The following SGCD variants were observed in gnomAD, a reference collection of about 807,000 sequenced individuals.
SGCD encodes the protein delta-sarcoglycan.
SGCD carries 18 observed loss-of-function variants against 36.6 expected under a neutral mutation model. The observed-to-expected ratio is 0.49, with a 90% CI of 0.34 to 0.73. The LOEUF (loss-of-function observed/expected upper bound fraction) is 0.73, where lower values mean the gene tolerates loss of function less well. Ranked by LOEUF, SGCD falls within the 30% of genes least tolerant of loss-of-function variation. The probability of loss-of-function intolerance (pLI) is 0.01; values close to 1 mark genes in which losing one functional copy is unlikely to be tolerated. For synonymous variants in SGCD, 133 were observed against 130.6 expected, an observed-to-expected ratio of 1.02 and a Z score of -0.12; for missense variants, 387 against 346.7, an observed-to-expected ratio of 1.12 and a Z score of -0.92.
the SGCD span, among the ~76,000 whole-genome samples, chr5:155,765,290 GAGAA>G: frequency 8.8e-5 from 13 of 148,162 alleles, no homozygotes; most frequent in East Asian, 1.8e-3. Context: ...AAGAAAGAAA[GAGAA>G]AGAAAGAAAG....
intron 1 of SGCD, among the ~76,000 whole-genome samples, chr5:155,984,704 A>G (rs1280237909): frequency 6.6e-6 from 1 of 152,074 alleles, no homozygotes; most frequent in East Asian, 1.9e-4. Context: ...CTTATGTCCC[A>G]CCTATGTGTA....
At chr5:156,556,937 G>A (rs1222776316) in intron 4 of SGCD, among the ~76,000 whole-genome samples, 1 of 152,134 alleles carries the variant, frequency 6.6e-6, no homozygotes, top group Non-Finnish European at 1.5e-5. Flanking sequence ...CTGTTTGAAA[G>A]CAAATTTCAC....
chr5:156,169,183 A>G (rs944971334), intron 3 of SGCD, among the ~76,000 whole-genome samples: 2 of 152,208 alleles, frequency 1.3e-5, no homozygotes, highest in African/African-American at 4.8e-5. Context: ...TGAAAAATGA[A>G]CAGGCTCCTC....
chr5:156,688,832 G>T (rs575742818), intron 7 of SGCD, among the ~76,000 whole-genome samples: 1 of 152,224 alleles, frequency 6.6e-6, no homozygotes, highest in Non-Finnish European at 1.5e-5. Context: ...ACCTACCAGG[G>T]CTATCATATC....
chr5:156,631,293 T>C (rs1762621465), intron 6 of SGCD, among the ~76,000 whole-genome samples: 1 of 152,132 alleles, frequency 6.6e-6, no homozygotes, highest in Non-Finnish European at 1.5e-5. Context: ...GGATGAAATA[T>C]ATTCATAGAT....
intron 3 of SGCD, among the ~76,000 whole-genome samples, chr5:156,359,531 C>T (rs573172720): frequency 5.3e-5 from 8 of 152,248 alleles, no homozygotes; most frequent in East Asian, 3.9e-4. Context: ...TGCAGTAAGT[C>T]GCAGAGCTGG....
At chr5:156,097,309 C>T (rs945362500) in intron 1 of SGCD, among the ~76,000 whole-genome samples, 1 of 152,142 alleles carries the variant, frequency 6.6e-6, no homozygotes, top group Non-Finnish European at 1.5e-5. Flanking sequence ...TCTATTTCCC[C>T]TCTCCTTCTA....
chr5:156,629,848 AC>A (rs1268849214), intron 6 of SGCD, among the ~76,000 whole-genome samples: 1 of 142,698 alleles, frequency 7.0e-6, no homozygotes, highest in Non-Finnish European at 1.5e-5. Context: ...TGGTTTTGAG[AC>A]TTTTTCTTTT....
intron 1 of SGCD, among the ~76,000 whole-genome samples, chr5:156,039,351 C>G (rs1759580306): frequency 6.6e-6 from 1 of 151,932 alleles, no homozygotes; most frequent in Non-Finnish European, 1.5e-5. Flanking sequence ...CTATTTTTAT[C>G]TCTGTATGCC....
rs1232170094 is a variant in SGCD, at chr5:156,547,662, T to A, written c.294+38960T>A. On this transcript the variant is annotated intron_variant, in intron 4 of 8. Transcript: ENST00000337851. ...TTTCACCATGTTAGCCAGGATGGTCTCAATCTCCTGACCTGGTGATCCGCC... is the reference window on the plus strand; with the variant it reads ...TTTCACCATGTTAGCCAGGATGGTCACAATCTCCTGACCTGGTGATCCGCC... 2.0e-5 allele frequency among the ~76,000 whole-genome samples: 3 copies of A among 152,084 alleles called. No individual in the cohort carries two copies. In the East Asian group the frequency reaches 5.8e-4, roughly 29 times the overall value.
intron 6 of SGCD, among the ~76,000 whole-genome samples, chr5:156,642,847 A>AC (rs1445233978): frequency 6.6e-6 from 1 of 151,974 alleles, no homozygotes; most frequent in African/African-American, 2.4e-5. Flanking sequence ...GCTCTTGACT[A>AC]CTTCAGTTCT....
intron 4 of SGCD, among the ~76,000 whole-genome samples, chr5:156,585,569 T>C (rs567324703): frequency 6.6e-6 from 1 of 152,310 alleles, no homozygotes; most frequent in South Asian, 2.1e-4. Flanking sequence ...ATGTTCTGAC[T>C]ACCCAGTGTT....
intron 6 of SGCD, among the ~76,000 whole-genome samples, chr5:156,646,283 C>T (rs1763221452): frequency 2.6e-5 from 4 of 152,188 alleles, no homozygotes; most frequent in Non-Finnish European, 5.9e-5. Flanking sequence ...CGCTGCCTGT[C>T]AGAACCTATC....
chr5:156,447,879 T>C (rs963264634), intron 3 of SGCD, among the ~76,000 whole-genome samples: 2 of 152,152 alleles, frequency 1.3e-5, no homozygotes, highest in African/African-American at 4.8e-5. Flanking sequence ...CTAAGTGCTT[T>C]ATGATTGTAT....
intron 3 of SGCD, among the ~76,000 whole-genome samples, chr5:156,160,119 T>G (rs1026085137): frequency 1.3e-5 from 2 of 151,668 alleles, no homozygotes; most frequent in Admixed American, 1.3e-4. Flanking sequence ...CTTTAAGACA[T>G]ATTTTTCACA....
At chr5:156,747,601 C>T (rs1212893293) in intron 7 of SGCD, among the ~76,000 whole-genome samples, 3 of 152,142 alleles carry the variant, frequency 2.0e-5, no homozygotes, top group African/African-American at 7.2e-5. Context: ...CACAGGGCAG[C>T]TATCAACATG....
Position 156,559,081 on chromosome 5 carries a change from T to C in SGCD, c.295-30150T>C, listed in dbSNP as rs543429354. ...CCAGCTCTACTACTCACTGGCTAAA[T>C]GACCTTATACAGATCCCTTTCTTTC... On this transcript the variant is annotated intron_variant, in intron 4 of 8. Transcript: ENST00000337851. Among the ~76,000 whole-genome samples, 2 of 152,302 alleles carry C rather than the reference T, an allele frequency of 1.3e-5. 1 individual carries two copies. The highest frequency in any genetic ancestry group is 1.3e-4 in the Admixed American group (2 of 15,272).
At position 156,250,076 on chromosome 5, in the gene SGCD, A is replaced by G. The variant is rs566774941; in HGVS notation, c.-43-79458A>G. On this transcript the variant is annotated intron_variant, in intron 3 of 9. Transcript: ENST00000517913. ...TCTCTGGGCTCTCCTAGATTTTTGT[A>G]ACTATAATGAGCGTTGAAACTTTGA... Among the ~76,000 whole-genome samples the G allele has an allele frequency of 3.9e-5, 6 of 152,344 alleles. No individual in the cohort carries two copies. In the East Asian group the frequency reaches 1.2e-3, roughly 29 times the overall value.
intron 3 of SGCD, among the ~76,000 whole-genome samples, chr5:156,212,307 G>C (rs764465046): frequency 6.6e-6 from 1 of 152,132 alleles, no homozygotes; most frequent in Non-Finnish European, 1.5e-5. Flanking sequence ...GAGAGTGAAG[G>C]CATGTTCTTT....
Sources: allele counts gnomAD v4.1 joint callset (sites outside exome capture counted in the v4.1 genomes callset), GRCh38; gene constraint gnomAD v4.1.1; transcripts MANE v1.5; gene names NCBI Gene and HGNC (gene_info 2026-07-23, HGNC 2026-07-21).